CAMSAP1: variants seen among roughly 807,000 people sequenced by gnomAD.
CAMSAP1 encodes calmodulin regulated spectrin associated protein 1, also known as calmodulin-regulated spectrin-associated protein 1.
CAMSAP1 carries 58 observed loss-of-function variants against 143.5 expected under a neutral mutation model. The ratio of observed to expected loss-of-function variants is 0.40; its 90% CI spans 0.33 to 0.50. The LOEUF is 0.50. Ranked by LOEUF, CAMSAP1 falls within the 20% of genes least tolerant of loss-of-function variation. CAMSAP1 has a pLI of 0.45. For missense variants in CAMSAP1, 1,969 were observed against 2,115.7 expected, an observed-to-expected ratio of 0.93 and a Z score of 1.36; for synonymous variants, 945 against 859.3, an observed-to-expected ratio of 1.10 and a Z score of -1.74.
rs1461248803 is a variant in CAMSAP1 at position 135,823,195 on chromosome 9, G to C, written c.1466C>G (p.Ser489Cys). 1 of 1,591,660 alleles carries C rather than the reference G, an allele frequency of 6.3e-7. No individual in the cohort carries two copies. Among genetic ancestry groups the C allele is most frequent in the East Asian group, 2.2e-5 (1 of 44,650 alleles). ...HAASCEVDPS[S>C]GDSISLARSI... is the part of the protein sequence containing the mutation. ...GCGGGCCAAGCTGATGCTGTCGCCA[G>C]AGCTGGGATCCACTTCACAACTCGC... is the stretch of plus-strand genomic sequence containing the variant. Residue 489 changes from serine (S) to cysteine (C), a missense_variant, in exon 11 of 17, where the codon TCT becomes TGT. Around this residue, in one of 4 missense-constraint regions of CAMSAP1, gnomAD observed 1,390 missense variants for 1,420.8 expected, o/e 0.98. Transcript: ENST00000389532.
chr9:135,823,906 T>A (rs757536645), intron 10 of CAMSAP1, 44 bp downstream of exon 10: 8 of 1,494,568 alleles, frequency 5.4e-6, no homozygotes, highest in Non-Finnish European at 6.4e-6. Context: ...CTGTTTAGTA[T>A]AAAAAACATT....
chr9:135,856,655 C>T (rs1332187426), intron 5 of CAMSAP1, among the ~76,000 whole-genome samples: 1 of 152,222 alleles, frequency 6.6e-6, no homozygotes, highest in African/African-American at 2.4e-5. Context: ...AGTGGCCACA[C>T]AGCAGGATGT....
intron 4 of CAMSAP1, among the ~76,000 whole-genome samples, 194 bp from the exon 5 acceptor site, chr9:135,862,802 G>A (rs1248758738): frequency 2.0e-5 from 3 of 152,172 alleles, no homozygotes; most frequent in Non-Finnish European, 4.4e-5. Context: ...CAAGATCCAA[G>A]GAGCTGGGCT....
Position 135,822,858 on chromosome 9 carries a change from C to T in CAMSAP1, c.1803G>A (p.Lys601=). ...FLEPLMPAVL[K]PAKEKQVITK... is the part of the protein sequence containing the mutation. ...TGATCACCTGCTTCTCTTTCGCTGG[C>T]TTAAGAACTGCTGGCATCAAAGGCT... Residue 601 remains lysine, a synonymous_variant, in exon 11 of 17, where the codon AAG becomes AAA. Coordinates refer to ENST00000389532, the MANE Select transcript of CAMSAP1 (RefSeq NM_015447.4). This position sits in a 1 kb window ranked among gnomAD's most constrained non-coding sequence, Gnocchi z 6.1. 2 of 1,613,956 alleles carry T rather than the reference C, an allele frequency of 1.2e-6. No homozygotes were observed. Among genetic ancestry groups the T allele is most frequent in the Non-Finnish European group, 1.7e-6 (2 of 1,179,888 alleles).
In CAMSAP1 at chr9:135,811,630, G is replaced by T. The variant is rs7042455; in HGVS notation, c.4507-19C>A. On this transcript the variant is annotated intron_variant, in intron 16 of 16. Transcript: ENST00000389532. The surrounding 1 kb of genome is among the most constrained non-coding windows in gnomAD (Gnocchi z 4.9). Reference sequence around the variant, plus strand: ...CCAGCTCCTGTGCAGAGAGAGAAAAGGGGAAGAGACAAACACTTCAGGGCC... The same window carrying T: ...CCAGCTCCTGTGCAGAGAGAGAAAATGGGAAGAGACAAACACTTCAGGGCC... 3.8e-6 allele frequency: 6 copies of T among 1,564,436 alleles called. No homozygotes were observed. Among genetic ancestry groups the T allele is most frequent in the Non-Finnish European group, 3.5e-6 (4 of 1,153,468 alleles).
chr9:135,879,385 A>G (rs1456227786), intron 3 of CAMSAP1, among the ~76,000 whole-genome samples: 2 of 152,106 alleles, frequency 1.3e-5, no homozygotes, highest in Non-Finnish European at 2.9e-5. Flanking sequence ...AGCAGGGGAA[A>G]AAGAAACATA....
At chr9:135,853,429 A>G (rs1040178939) in intron 5 of CAMSAP1, among the ~76,000 whole-genome samples, 2 of 152,196 alleles carry the variant, frequency 1.3e-5, no homozygotes, top group Non-Finnish European at 2.9e-5. Flanking sequence ...GAGACACAGA[A>G]ATAACACAAT....
At position 135,826,830 on chromosome 9, in the gene CAMSAP1, C is replaced by CA. The variant is rs1835692153; in HGVS notation, c.1223+576dup. 1.3e-5 allele frequency among the ~76,000 whole-genome samples: 2 copies of CA among 152,188 alleles called. No homozygotes were observed. The highest frequency in any genetic ancestry group is 3.8e-4 in the East Asian group (2 of 5,198). ...CCTTCACCCCCTCCCCCAATTCTGG[C>CA]ACAGTCAATTCTACCCCAGATATGG... is the stretch of plus-strand genomic sequence containing the variant. On this transcript the variant is annotated intron_variant, in intron 8 of 16. Coordinates refer to ENST00000389532, the MANE Select transcript of CAMSAP1 (RefSeq NM_015447.4). This position sits in a 1 kb window ranked among gnomAD's most constrained non-coding sequence, Gnocchi z 4.4.
intron 7 of CAMSAP1, among the ~76,000 whole-genome samples, chr9:135,828,463 T>C (rs955602378): frequency 6.6e-6 from 1 of 152,204 alleles, no homozygotes; most frequent in Non-Finnish European, 1.5e-5. Context: ...CACCAAGCTG[T>C]GCTCTCCTAC....
At chr9:135,855,838 G>T (rs371881335) in intron 5 of CAMSAP1, among the ~76,000 whole-genome samples, 9 of 151,576 alleles carry the variant, frequency 5.9e-5, no homozygotes, top group African/African-American at 2.2e-4. Flanking sequence ...GGATCACAAG[G>T]TCAGGAGATC....
At chr9:135,840,263 TC>T (rs1365498933) in intron 7 of CAMSAP1, among the ~76,000 whole-genome samples, 1 of 152,014 alleles carries the variant, frequency 6.6e-6, no homozygotes, top group African/African-American at 2.4e-5. Context: ...CCAGAGACAC[TC>T]CCCAGCCTCG....
At chr9:135,864,983 T>A (rs1837324616) in intron 4 of CAMSAP1, among the ~76,000 whole-genome samples, 1 of 152,138 alleles carries the variant, frequency 6.6e-6, no homozygotes, top group African/African-American at 2.4e-5. Context: ...TCAGGCAAGG[T>A]AACATCAGAA....
chr9:135,864,291 T>G (rs1463979397), intron 4 of CAMSAP1, among the ~76,000 whole-genome samples: 1 of 152,246 alleles, frequency 6.6e-6, no homozygotes, highest in African/African-American at 2.4e-5. Context: ...CTCTTCAGTC[T>G]TCAGGATTCA....
intron 1 of CAMSAP1, among the ~76,000 whole-genome samples, chr9:135,905,132 A>C (rs931491677): frequency 5.3e-5 from 8 of 152,232 alleles, no homozygotes; most frequent in Admixed American, 3.9e-4. Context: ...ACCTTTTAAT[A>C]ATTCCAGAAC....
rs111881896 is a variant in CAMSAP1 at position 135,818,947 on chromosome 9, G to A, written c.3959+63C>T. ...CATGCTCAGTGCCAGCAACGGGACC[G>A]GGGCCGCCAGGGACCCACCAGGCTC... On this transcript the variant is annotated intron_variant, in intron 12 of 16. Coordinates refer to ENST00000389532, the MANE Select transcript of CAMSAP1 (RefSeq NM_015447.4). This position sits in a 1 kb window ranked among gnomAD's most constrained non-coding sequence, Gnocchi z 7.7. The A allele has an allele frequency of 2.8e-5, 44 of 1,574,140 alleles. No individual in the cohort carries two copies. The African/African-American group carries it at 3.0e-4, about 11-fold the overall frequency.
intron 7 of CAMSAP1, among the ~76,000 whole-genome samples, chr9:135,848,981 C>T (rs1277989322): frequency 6.6e-6 from 1 of 152,250 alleles, no homozygotes; most frequent in Non-Finnish European, 1.5e-5. Context: ...CACTCTCAGA[C>T]ACTGCCCCAC....
chr9:135,853,365 T>G (rs1836844558), intron 5 of CAMSAP1, among the ~76,000 whole-genome samples: 1 of 152,210 alleles, frequency 6.6e-6, no homozygotes, highest in Non-Finnish European at 1.5e-5. Context: ...TGGGGATCTG[T>G]GTGCCAACGT....
chr9:135,844,969 A>T lies in CAMSAP1; in HGVS notation c.1045+5168T>A, dbSNP rs1200403492. ...AGAGGAGCTGGTACCATTCCTTCTG[A>T]AACTATTCCAAACAACAGAAAAAGA... is the stretch of plus-strand genomic sequence containing the variant. On this transcript the variant is annotated intron_variant, in intron 7 of 16. Transcript: ENST00000389532. 1.3e-5 allele frequency among the ~76,000 whole-genome samples: 2 copies of T among 152,196 alleles called. 1 individual carries two copies. The highest frequency in any genetic ancestry group is 2.9e-5 in the Non-Finnish European group (2 of 68,034).
intron 5 of CAMSAP1, among the ~76,000 whole-genome samples, chr9:135,854,473 CT>C (rs111395128): frequency 1.2e-3 from 176 of 147,286 alleles, no homozygotes; most frequent in African/African-American, 1.8e-3. Flanking sequence ...TTTGCCAAAA[CT>C]TTTTTTTTTT....
Sources: gnomAD v4.1 joint callset for allele counts (sites outside exome capture counted in the v4.1 genomes callset) on GRCh38, gnomAD v4.1.1 for gene constraint, gnomAD v4.1.1 regional missense constraint, Gnocchi (gnomAD v3.1) non-coding constraint, MANE v1.5 for transcripts, NCBI Gene and HGNC (gene_info 2026-07-23, HGNC 2026-07-21) for gene names.